Variants in BSN observed in about 807,000 individuals in gnomAD.
BSN encodes protein bassoon.
Under a neutral mutation model 264.8 loss-of-function variants are expected in BSN, and 57 were observed. The observed-to-expected ratio is 0.22, with a 90% CI of 0.17 to 0.27. The LOEUF is 0.27. BSN is among the 10% of genes least tolerant of loss of function. BSN has a pLI of 1.00. For synonymous variants in BSN, 2,059 were observed against 2,137.3 expected, an observed-to-expected ratio of 0.96 and a Z score of 1.01; for missense variants, 4,615 against 5,232.5, an observed-to-expected ratio of 0.88 and a Z score of 3.64.
rs1305692378 is a variant in BSN at position 49,625,682 on chromosome 3, A to G, written c.633+299A>G. On this transcript the variant is annotated intron_variant, in intron 2 of 11. Transcript: ENST00000296452. The surrounding 1 kb of genome is among the most constrained non-coding windows in gnomAD (Gnocchi z 4.4). ...TGGAAAAATGGCCTTCGAGAGGACC[A>G]AAGACAATCTTATGAACAATTTTTC... 6.6e-6 allele frequency among the ~76,000 whole-genome samples: 1 copy of G among 152,234 alleles called. No individual in the cohort carries two copies. The highest frequency in any genetic ancestry group is 1.5e-5 in the Non-Finnish European group (1 of 68,040).
chr3:49,661,561 A>C lies in BSN; in HGVS notation c.9716A>C (p.Glu3239Ala). 1 of 1,614,068 alleles carries C rather than the reference A, an allele frequency of 6.2e-7. No individual in the cohort carries two copies. Among genetic ancestry groups the C allele is most frequent in the Non-Finnish European group, 8.5e-7 (1 of 1,180,038 alleles). The change falls in exon 6 of 12, where the codon GAA (glutamate) becomes GCA (alanine). Residue 3239 changes from glutamate to alanine, a missense_variant. By Grantham distance (107) the Glu-to-Ala change is moderately radical (BLOSUM62 -1). Around this residue, in one of 3 missense-constraint regions of BSN, gnomAD observed 3,415 missense variants for 3,866.4 expected, o/e 0.88. Transcript: ENST00000296452. ...TACGTAATGATTGATGACATCAGTG[A>C]ACTGACCAAGGACAGCACCTCTACT... ...RNYVMIDDIS[E>A]LTKDSTSTAP...
At chr3:49,557,574 AG>A (rs2051682636) in intron 1 of BSN, among the ~76,000 whole-genome samples, 4 of 144,754 alleles carry the variant, frequency 2.8e-5, no homozygotes, top group East Asian at 4.0e-4. Context: ...TGCACCTGTC[AG>A]TTTTTTTTTT....
At chr3:49,565,422 G>A (rs1190771879) in intron 1 of BSN, among the ~76,000 whole-genome samples, 2 of 149,428 alleles carry the variant, frequency 1.3e-5, no homozygotes, top group Non-Finnish European at 3.0e-5. Context: ...CTGGGTTCGC[G>A]CCATTCTCCT....
At chr3:49,627,600 T>C (rs1330148024) in intron 2 of BSN, among the ~76,000 whole-genome samples, 1 of 152,180 alleles carries the variant, frequency 6.6e-6, no homozygotes, top group Non-Finnish European at 1.5e-5. Context: ...CTAGTCAGAC[T>C]ACATCTGTCC....
At chr3:49,557,186 G>A (rs1330394938) in intron 1 of BSN, among the ~76,000 whole-genome samples, 2 of 152,126 alleles carry the variant, frequency 1.3e-5, no homozygotes, top group African/African-American at 4.8e-5. Context: ...CTCAAGGAAG[G>A]GCTCTCTGCT....
rs532795607 is a variant in BSN, at chr3:49,623,698, A to G, written c.225-1277A>G. On this transcript the variant is annotated intron_variant, in intron 1 of 11. Coordinates refer to ENST00000296452, the MANE Select transcript of BSN (RefSeq NM_003458.4). The stretch of plus-strand genomic sequence containing the variant: ...GATTTGGTCTGGCATCAGGCTTGCC[A>G]GAGGGCTACCAGAAGGAAGGCTCCT... Among the ~76,000 whole-genome samples, 19 of 152,358 alleles carry G rather than the reference A, an allele frequency of 1.2e-4. 1 individual carries two copies. In the South Asian group the frequency reaches 3.9e-3, roughly 32 times the overall value.
rs397792026 is a variant in BSN at position 49,585,209 on chromosome 3, T to TA, written c.224+30385dup. Among the ~76,000 whole-genome samples the TA allele has an allele frequency of 6.6e-6, 1 of 151,430 alleles. No individual in the cohort carries two copies. Among genetic ancestry groups the TA allele is most frequent in the African/African-American group, 2.4e-5 (1 of 41,242 alleles). On this transcript the variant is annotated intron_variant, in intron 1 of 11. Transcript: ENST00000296452. This position sits in a 1 kb window ranked among gnomAD's most constrained non-coding sequence, Gnocchi z 4.7. ...GCCCAATTTTTAGTTGTTTTTTTTT[T>TA]AATTTTAATTTTTATTTTATTGAAT...
At chr3:49,613,292 C>T (rs201138404) in intron 1 of BSN, among the ~76,000 whole-genome samples, 25 of 36,998 alleles carry the variant, frequency 6.8e-4, no homozygotes, top group South Asian at 1.4e-3. Context: ...TATATATATA[C>T]ACACACAGAG....
At chr3:49,627,022 G>C (rs2052346448) in intron 2 of BSN, among the ~76,000 whole-genome samples, 1 of 152,258 alleles carries the variant, frequency 6.6e-6, no homozygotes, top group African/African-American at 2.4e-5. Flanking sequence ...CTGCCTCATT[G>C]TGCTGGGAGG....
chr3:49,593,590 G>A (rs1050550317), intron 1 of BSN, among the ~76,000 whole-genome samples: 1 of 152,016 alleles, frequency 6.6e-6, no homozygotes, highest in Non-Finnish European at 1.5e-5. Context: ...TATCATTATA[G>A]GTCTGTAGTG....
In BSN at chr3:49,592,227, A is replaced by T. The variant is rs556496948; in HGVS notation, c.225-32748A>T. Among the ~76,000 whole-genome samples the T allele has an allele frequency of 1.8e-4, 27 of 151,436 alleles. 1 individual carries two copies. The South Asian group carries it at 3.6e-3, about 20-fold the overall frequency. On this transcript the variant is annotated intron_variant, in intron 1 of 11. Transcript: ENST00000296452. ...CGGGTTCAAGCGATTCTCCTGCCTC[A>T]GCCTCCCGAGTACCTGGGATTACAG...
At chr3:49,641,216 G>A (rs150407713) in intron 2 of BSN, among the ~76,000 whole-genome samples, 221 of 152,180 alleles carry the variant, frequency 1.5e-3, no homozygotes, top group Admixed American at 2.7e-3. Flanking sequence ...CCAGATCCAG[G>A]GAATGGAATG....
chr3:49,623,925 C>T (rs965432077), intron 1 of BSN, among the ~76,000 whole-genome samples: 4 of 152,220 alleles, frequency 2.6e-5, no homozygotes, highest in Admixed American at 2.6e-4. Flanking sequence ...CAGGGTCCTG[C>T]CTCCATAGAT....
intron 2 of BSN, among the ~76,000 whole-genome samples, chr3:49,636,345 A>G (rs1159654182): frequency 6.6e-6 from 1 of 152,130 alleles, no homozygotes; most frequent in Non-Finnish European, 1.5e-5. Context: ...GGCTAGTCCA[A>G]GGGTCCAGCC....
chr3:49,614,133 C>T (rs562313012), intron 1 of BSN, among the ~76,000 whole-genome samples: 2 of 145,656 alleles, frequency 1.4e-5, no homozygotes, highest in East Asian at 2.0e-4. Flanking sequence ...GATCTCGGCT[C>T]ACTGCAAGCT....
Position 49,663,230 on chromosome 3 carries a change from T to C in BSN, c.11072T>C (p.Met3691Thr), listed in dbSNP as rs2052679914. ...PHSQPSSAPA[M>T]PKKGQPGYPS... ...TCTCAGCCCAGCTCTGCTCCAGCTA[T>C]GCCGAAGAAGGGTCAGCCTGGGTAT... is the stretch of plus-strand genomic sequence containing the variant. The change falls in exon 7 of 12, where the codon ATG becomes ACG. Residue 3691 changes from methionine (M) to threonine (T), a missense_variant. Met to Thr is a moderately conservative substitution (Grantham distance 81). Around this residue, in one of 3 missense-constraint regions of BSN, gnomAD observed 3,415 missense variants for 3,866.4 expected, o/e 0.88. Transcript: ENST00000296452. 1 of 1,614,104 alleles carries C rather than the reference T, an allele frequency of 6.2e-7. No individual in the cohort carries two copies. The highest frequency in any genetic ancestry group is 2.2e-5 in the East Asian group (1 of 44,882).
chr3:49,584,107 G>A (rs1325313914), intron 1 of BSN, among the ~76,000 whole-genome samples: 2 of 151,770 alleles, frequency 1.3e-5, no homozygotes, highest in Non-Finnish European at 2.9e-5. Context: ...GGAGGGTCTC[G>A]ATCTCCTGAC....
intron 1 of BSN, among the ~76,000 whole-genome samples, chr3:49,566,491 A>C (rs370044585): frequency 5.5e-4 from 84 of 152,244 alleles, no homozygotes; most frequent in Admixed American, 2.0e-3. Context: ...TAGTGATGAA[A>C]AGATGGATCA....
chr3:49,651,037 CG>C lies in BSN; in HGVS notation c.1945del (p.Val649SerfsTer65). ...VRRAEPATPV[V>X]KAVPEAPKGG... Reference sequence around the variant, plus strand: ...GGAGGGCTGAACCTGCCACCCCTGTCGTCAAGGCTGTTCCAGAAGCCCCCAA... The same window carrying C: ...GGAGGGCTGAACCTGCCACCCCTGTCTCAAGGCTGTTCCAGAAGCCCCCAA... On this transcript the variant is annotated frameshift_variant, in exon 4 of 12. Transcript: ENST00000296452. LOFTEE classifies it high-confidence loss of function. This position sits in a 1 kb window ranked among gnomAD's most constrained non-coding sequence, Gnocchi z 5.4. 6.2e-7 allele frequency: 1 copy of C among 1,613,440 alleles called. No homozygotes were observed. The highest frequency in any genetic ancestry group is 8.5e-7 in the Non-Finnish European group (1 of 1,179,854).
Sources: gnomAD v4.1 joint callset for allele counts (sites outside exome capture counted in the v4.1 genomes callset) on GRCh38, gnomAD v4.1.1 for gene constraint, gnomAD v4.1.1 regional missense constraint, Gnocchi (gnomAD v3.1) non-coding constraint, MANE v1.5 for transcripts, NCBI Gene and HGNC (gene_info 2026-07-23, HGNC 2026-07-21) for gene names.